Variants in DAB1 observed in about 807,000 individuals in gnomAD.
DAB1 encodes the protein disabled homolog 1.
DAB1 carries 15 observed loss-of-function variants against 64.6 expected under a neutral mutation model. The ratio of observed to expected loss-of-function variants is 0.23; its 90% confidence interval spans 0.16 to 0.36. The LOEUF is 0.36. Ranked by LOEUF, DAB1 falls within the 10% of genes least tolerant of loss-of-function variation. The pLI, the probability that DAB1 is intolerant of heterozygous loss-of-function variation, is 1.00. For synonymous variants in DAB1, 235 were observed against 251.9 expected (o/e 0.93, Z 0.64); for missense variants, 596 against 706.7 (o/e 0.84, Z 1.78).
chr1:57,983,880 C>G (rs1351722432), intron 5 of DAB1, among the ~76,000 whole-genome samples: 1 of 152,072 alleles, frequency 6.6e-6, no homozygotes, highest in Non-Finnish European at 1.5e-5. Context: ...TGCAGTGGTT[C>G]TCCGGGAAAT....
At chr1:57,088,001 C>G (rs983608093) in intron 4 of DAB1, among the ~76,000 whole-genome samples, 94 of 152,244 alleles carry the variant, frequency 6.2e-4, no homozygotes, top group African/African-American at 2.1e-3. Context: ...TCCTCTGAGC[C>G]CTCTTCTTCG....
intron 7 of DAB1, among the ~76,000 whole-genome samples, chr1:57,616,391 A>G (rs1645790308): frequency 6.9e-6 from 1 of 144,986 alleles, no homozygotes; most frequent in African/African-American, 2.4e-5. Flanking sequence ...CGTTTCCTGC[A>G]TATTGAATCT....
intron 5 of DAB1, among the ~76,000 whole-genome samples, chr1:58,046,782 A>G (rs562049495): frequency 1.4e-4 from 21 of 152,332 alleles, no homozygotes; most frequent in African/African-American, 3.8e-4. Flanking sequence ...GCTGTAGAAC[A>G]GAGCTCCTGC....
intron 7 of DAB1, among the ~76,000 whole-genome samples, chr1:57,532,061 T>C (rs900622136): frequency 6.6e-6 from 1 of 152,196 alleles, no homozygotes; most frequent in African/African-American, 2.4e-5. Context: ...ACAATGGCTA[T>C]TCAATAGGCT....
intron 4 of DAB1, among the ~76,000 whole-genome samples, chr1:57,086,621 C>T (rs1653098115): frequency 6.9e-6 from 1 of 144,900 alleles, no homozygotes; most frequent in South Asian, 2.2e-4. Flanking sequence ...TCTTTAGTAA[C>T]AGGTGACAGG....
At chr1:58,524,348 TA>T (rs1646316411) in intron 2 of DAB1, among the ~76,000 whole-genome samples, 1 of 152,258 alleles carries the variant, frequency 6.6e-6, no homozygotes, top group South Asian at 2.1e-4. Flanking sequence ...TTGACATTTT[TA>T]AGCCAAATCT....
At chr1:58,078,908 G>A (rs1308466805) in intron 5 of DAB1, among the ~76,000 whole-genome samples, 1 of 152,170 alleles carries the variant, frequency 6.6e-6, no homozygotes, top group African/African-American at 2.4e-5. Context: ...TGGATTCAAA[G>A]TGAGACATTG....
At position 57,653,505 on chromosome 1, in the gene DAB1, A is replaced by G. The variant is rs544165362; in HGVS notation, n.552-3840T>C. On this transcript the variant is annotated intron_variant and non_coding_transcript_variant, in intron 6 of 20. Transcript: ENST00000485760. ...ATTTGGGCAGTTTCCAAATTTTGCT[A>G]ACACAAATAATGTTGCAATGGACAA... Among the ~76,000 whole-genome samples, 4 of 152,320 alleles carry G rather than the reference A, an allele frequency of 2.6e-5. No individual in the cohort carries two copies. In the East Asian group the frequency reaches 7.7e-4, roughly 29 times the overall value.
intron 5 of DAB1, among the ~76,000 whole-genome samples, chr1:57,962,072 G>T (rs1645538356): frequency 6.6e-6 from 1 of 152,052 alleles, no homozygotes; most frequent in African/African-American, 2.4e-5. Context: ...CAACTTGAGA[G>T]TTAAGAGTAG....
At chr1:57,612,170 T>C (rs890462449) in intron 7 of DAB1, among the ~76,000 whole-genome samples, 1 of 151,502 alleles carries the variant, frequency 6.6e-6, no homozygotes, top group Non-Finnish European at 1.5e-5. Context: ...TATGCCATTT[T>C]CACATATCCA....
chr1:58,373,087 G>A (rs903361706), intron 3 of DAB1, among the ~76,000 whole-genome samples: 69 of 151,210 alleles, frequency 4.6e-4, no homozygotes, highest in African/African-American at 1.4e-3. Flanking sequence ...GTAGTTCTCC[G>A]TATTTCTAAG....
chr1:58,134,544 T>C (rs941363745), intron 5 of DAB1, among the ~76,000 whole-genome samples: 3 of 152,166 alleles, frequency 2.0e-5, no homozygotes, highest in Admixed American at 2.0e-4. Flanking sequence ...AATCAGCTCA[T>C]GCTTCTGCAG....
intron 4 of DAB1, among the ~76,000 whole-genome samples, chr1:58,232,287 TG>T (rs1659813076): frequency 6.6e-6 from 1 of 152,174 alleles, no homozygotes; most frequent in Non-Finnish European, 1.5e-5. Context: ...TGAACTTGGA[TG>T]GAACTGCCCA....
chr1:58,197,703 CTTTT>C (rs3053698), intron 4 of DAB1, among the ~76,000 whole-genome samples: 1 of 139,962 alleles, frequency 7.1e-6, no homozygotes, highest in Admixed American at 7.1e-5. Flanking sequence ...GAGAGTTACA[CTTTT>C]TTTTTTTTTT....
chr1:58,274,859 T>TCGGCTCG (rs1445555321), intron 4 of DAB1, among the ~76,000 whole-genome samples: 2 of 152,060 alleles, frequency 1.3e-5, no homozygotes, highest in Non-Finnish European at 2.9e-5. Context: ...TCGCCCTGCT[T>TCGGCTCG]CGGCTCGCGC....
chr1:58,495,890 T>C (rs1035140062), intron 3 of DAB1, among the ~76,000 whole-genome samples: 2 of 152,224 alleles, frequency 1.3e-5, no homozygotes, highest in African/African-American at 4.8e-5. Flanking sequence ...CTTACTCTTG[T>C]ATGCCTTTTT....
chr1:58,379,462 T>A lies in DAB1; in HGVS notation n.258-36059A>T, dbSNP rs1229379370. Among the ~76,000 whole-genome samples, 3 of 152,224 alleles carry A rather than the reference T, an allele frequency of 2.0e-5. No homozygotes were observed. The South Asian group carries it at 6.2e-4, about 32-fold the overall frequency. On this transcript the variant is annotated intron_variant and non_coding_transcript_variant, in intron 3 of 20. Coordinates refer to the DAB1 transcript ENST00000485760. Reference sequence around the variant, plus strand: ...AATGTATTAATATCTACTGGAAATATTCGCACTGGAAACTCTAATTAGCTA... The same window carrying A: ...AATGTATTAATATCTACTGGAAATAATCGCACTGGAAACTCTAATTAGCTA...
At chr1:57,027,300 T>C (rs1646822585) in intron 9 of DAB1, among the ~76,000 whole-genome samples, 1 of 152,096 alleles carries the variant, frequency 6.6e-6, no homozygotes, top group African/African-American at 2.4e-5. Context: ...GAATAATTGT[T>C]CTGAGGGATG....
At chr1:57,755,403 G>C (rs185504931) in intron 6 of DAB1, among the ~76,000 whole-genome samples, 281 of 152,128 alleles carry the variant, frequency 1.8e-3, no homozygotes, top group African/African-American at 6.6e-3. Flanking sequence ...ATATTTTCCC[G>C]TAAAGGTCCG....
Sources: gnomAD v4.1 joint callset for allele counts (sites outside exome capture counted in the v4.1 genomes callset) on GRCh38, gnomAD v4.1.1 for gene constraint, MANE v1.5 for transcripts, NCBI Gene and HGNC (gene_info 2026-07-23, HGNC 2026-07-21) for gene names.